The following POC1A variants were observed in gnomAD, a reference collection of about 807,000 sequenced individuals.
The protein encoded by POC1A is POC1 centriolar protein homolog A.
In POC1A, 34 loss-of-function variants were observed where a neutral mutation model predicts 47.8. The observed-to-expected ratio is 0.71, with a 90% confidence interval of 0.54 to 0.95. The LOEUF (loss-of-function observed/expected upper bound fraction) is 0.95. Among genes scored for constraint, POC1A ranks in the 40% least tolerant of loss-of-function variants. The pLI is 0.00. For missense variants in POC1A, 466 were observed against 528.3 expected (o/e 0.88, Z 1.16); for synonymous variants, 177 against 207.6 (o/e 0.85, Z 1.27).
In POC1A at chr3:52,154,373, G is replaced by A; in HGVS notation, c.-1C>T. On this transcript the variant is annotated 5_prime_UTR_variant, in exon 1 of 11. Transcript: ENST00000296484. Reference sequence around the variant, plus strand: ...GGCTTACCGCGCAGGGCGCAGCCATGGCGGGGCTGGCGGCGCCGAAGGCAG... The same window carrying A: ...GGCTTACCGCGCAGGGCGCAGCCATAGCGGGGCTGGCGGCGCCGAAGGCAG... 2 of 1,489,200 alleles carry A rather than the reference G, an allele frequency of 1.3e-6. No individual in the cohort carries two copies. The highest frequency in any genetic ancestry group is 1.3e-5 in the South Asian group (1 of 78,736). The allele number at this position is 1,489,200 out of a possible 1,614,324, so 92.2% of individuals were successfully genotyped here. A position where few individuals can be genotyped will look rare whatever the true frequency, so the allele number is the denominator to read the frequency against.
chr3:52,154,297 C>G (rs916197492), intron 1 of POC1A, 58 bp downstream of exon 1: 3 of 1,517,662 alleles, frequency 2.0e-6, no homozygotes, highest in Non-Finnish European at 8.9e-7. Flanking sequence ...GGCCATTAGG[C>G]GCCCAGTGTC....
At chr3:52,091,547 G>A (rs1228500486) in intron 10 of POC1A, among the ~76,000 whole-genome samples, 2 of 152,160 alleles carry the variant, frequency 1.3e-5, no homozygotes, top group East Asian at 1.9e-4. Context: ...GTGCACCCCA[G>A]TGCCTCTGTC....
chr3:52,134,753 A>T (rs2107145509), intron 7 of POC1A, among the ~76,000 whole-genome samples: 1 of 152,042 alleles, frequency 6.6e-6, no homozygotes, highest in South Asian at 2.1e-4. Context: ...TAGAAGTCAT[A>T]AGACCCCCTA....
At chr3:52,134,396 C>T (rs1704355763) in intron 7 of POC1A, among the ~76,000 whole-genome samples, 2 of 152,300 alleles carry the variant, frequency 1.3e-5, no homozygotes, top group Admixed American at 6.5e-5. Context: ...CTTTGGGAGG[C>T]TGAGGCAGGT....
rs966521959 is a variant in POC1A, at chr3:52,096,706, C to T, written c.988G>A (p.Val330Met). 3.8e-6 allele frequency: 6 copies of T among 1,584,754 alleles called. No individual in the cohort carries two copies. In the East Asian group the frequency reaches 6.9e-5, roughly 18 times the overall value. Residue 330 changes from valine (V) to methionine (M), a missense_variant, in exon 10 of 11, where the codon GTG becomes ATG. By Grantham distance (21) the Val-to-Met change is conservative (BLOSUM62 1). Coordinates refer to ENST00000296484, the MANE Select transcript of POC1A (RefSeq NM_015426.5). Reference sequence around the variant, plus strand: ...CTGCCTGGGGGGACAGGGAAGTCCACTTCTGGCTAAAGACAGAAAGAAAAA... The same window carrying T: ...CTGCCTGGGGGGACAGGGAAGTCCATTTCTGGCTAAAGACAGAAAGAAAAA... The part of the protein sequence containing the change: ...LASSMGNLPE[V>M]DFPVPPGRGR...
At chr3:52,146,926 T>C (rs1698382744) in intron 5 of POC1A, 62 bp downstream of exon 5, 2 of 1,353,654 alleles carry the variant, frequency 1.5e-6, no homozygotes, top group Non-Finnish European at 2.1e-6. Flanking sequence ...GGCCTCCTCA[T>C]GCCCAGGTCT....
Position 52,145,868 on chromosome 3 carries a change from G to C in POC1A, c.657C>G (p.His219Gln), listed in dbSNP as rs1436865238. The change falls in exon 6 of 11, where the codon CAC becomes CAG. Residue 219 changes from histidine (H) to glutamine (Q), a missense_variant. Physicochemically the swap from His to Gln is conservative, Grantham distance 24 (BLOSUM62 0). Transcript: ENST00000296484. ...CACACTGATAATGCTGCAGCAGCCG[G>C]TGAGTCCGCACGTCCCACACCTTCA... is the stretch of plus-strand genomic sequence containing the variant. Reference protein sequence around the residue: ...NTVKVWDVRTHRLLQHYQLHS... With the variant: ...NTVKVWDVRTQRLLQHYQLHS... 1 of 1,613,434 alleles carries C rather than the reference G, an allele frequency of 6.2e-7. No individual in the cohort carries two copies. The highest frequency in any genetic ancestry group is 8.5e-7 in the Non-Finnish European group (1 of 1,179,562).
intron 9 of POC1A, among the ~76,000 whole-genome samples, chr3:52,098,947 C>T (rs765052275): frequency 4.6e-5 from 7 of 152,158 alleles, no homozygotes; most frequent in African/African-American, 1.2e-4. Flanking sequence ...TTCTAAGTTA[C>T]CCAGCAAATA....
intron 7 of POC1A, among the ~76,000 whole-genome samples, chr3:52,135,956 C>T (rs936627124): frequency 2.6e-5 from 4 of 152,006 alleles, no homozygotes; most frequent in Non-Finnish European, 5.9e-5. Context: ...CATGGTTGGT[C>T]TCACCATGGG....
chr3:52,122,927 C>T (rs966655854), intron 8 of POC1A, among the ~76,000 whole-genome samples: 1 of 152,252 alleles, frequency 6.6e-6, no homozygotes, highest in African/African-American at 2.4e-5. Flanking sequence ...TTATCATCTG[C>T]CTCTGAACTA....
chr3:52,088,811 C>G (rs1260726375), intron 10 of POC1A, among the ~76,000 whole-genome samples: 1 of 151,624 alleles, frequency 6.6e-6, no homozygotes, highest in East Asian at 1.9e-4. Context: ...GCATGGGCCT[C>G]TCTCCCTGCT....
intron 9 of POC1A, among the ~76,000 whole-genome samples, chr3:52,116,773 A>G (rs1267419380): frequency 6.6e-6 from 1 of 152,168 alleles, no homozygotes; most frequent in African/African-American, 2.4e-5. Context: ...TTGGTGGGGC[A>G]GGCGTGGTAG....
intron 10 of POC1A, 125 bp from the exon 11 acceptor site, chr3:52,076,110 C>A: frequency 2.9e-6 from 2 of 701,662 alleles, no homozygotes; most frequent in South Asian, 1.5e-5. Flanking sequence ...CTCTTTCCAC[C>A]CAGGGGTTCT....
At chr3:52,082,028 C>G (rs1254252842) in intron 10 of POC1A, among the ~76,000 whole-genome samples, 1 of 152,066 alleles carries the variant, frequency 6.6e-6, no homozygotes, top group Non-Finnish European at 1.5e-5. Context: ...CCAGATTACA[C>G]AGGCTGAGTA....
chr3:52,087,849 C>T (rs977899629), intron 10 of POC1A, among the ~76,000 whole-genome samples: 6 of 152,208 alleles, frequency 3.9e-5, no homozygotes. Context: ...GGTTCAAGCA[C>T]ATCTCTGCCA....
chr3:52,107,721 A>C (rs1410988378), intron 9 of POC1A, among the ~76,000 whole-genome samples: 3 of 152,216 alleles, frequency 2.0e-5, no homozygotes, highest in Non-Finnish European at 2.9e-5. Flanking sequence ...TTTTATATTA[A>C]ACTGCTTTGA....
Position 52,075,970 on chromosome 3 carries a change from C to A in POC1A, c.1141G>T (p.Glu381Ter), listed in dbSNP as rs201703787. 6.2e-7 allele frequency: 1 copy of A among 1,613,612 alleles called. No homozygotes were observed. Among genetic ancestry groups the A allele is most frequent in the Non-Finnish European group, 8.5e-7 (1 of 1,179,582 alleles). ...TCTTCTGTCAGTGTCAACCGCTGCT[C>A]CAGAATGGAGACTGTCTGCAAAATA... ...DVLTQTVSIL[E>*]QRLTLTEDKL... The change falls in exon 11 of 11, where the codon GAG becomes TAG. Residue 381 changes from glutamate to a stop codon, truncating the protein, a stop_gained. Coordinates refer to ENST00000296484, the MANE Select transcript of POC1A (RefSeq NM_015426.5). LOFTEE classifies it high-confidence loss of function.
rs996487010 is a variant in POC1A, at chr3:52,096,568, C to T, written c.1125+1G>A. ...ACGGGTGAACCCACAGTGTGGCCTA[C>T]CTGAGTGAGGACATCCAGCTGGCCC... On this transcript the variant is annotated splice_donor_variant, in intron 10 of 10. Coordinates refer to ENST00000296484, the MANE Select transcript of POC1A (RefSeq NM_015426.5). LOFTEE classifies it high-confidence loss of function. 1 of 1,571,830 alleles carries T rather than the reference C, an allele frequency of 6.4e-7. No homozygotes were observed. Among genetic ancestry groups the T allele is most frequent in the Non-Finnish European group, 8.6e-7 (1 of 1,161,064 alleles).
At chr3:52,120,358 C>G (rs1252746004) in intron 9 of POC1A, among the ~76,000 whole-genome samples, 1 of 152,138 alleles carries the variant, frequency 6.6e-6, no homozygotes, top group Non-Finnish European at 1.5e-5. Flanking sequence ...AGGTTGACAC[C>G]ACATGGCATG....
Sources: gnomAD v4.1 joint callset for allele counts (sites outside exome capture counted in the v4.1 genomes callset) on GRCh38, gnomAD v4.1.1 for gene constraint, MANE v1.5 for transcripts, NCBI Gene and HGNC (gene_info 2026-07-23, HGNC 2026-07-21) for gene names.